Variants in PASK observed in about 807,000 individuals in gnomAD.
PASK encodes the protein PAS domain containing serine/threonine kinase.
In PASK, 110 loss-of-function variants were observed where a neutral mutation model predicts 121.0. The ratio of observed to expected loss-of-function variants is 0.91; its 90% CI spans 0.78 to 1.06. PASK has a LOEUF of 1.06. Ranked by LOEUF, PASK falls within the 50% of genes least tolerant of loss-of-function variation. The probability of loss-of-function intolerance (pLI) is 0.00; values close to 1 mark genes in which losing one functional copy is unlikely to be tolerated. For missense variants in PASK, 1,643 were observed against 1,702.3 expected (o/e 0.97, Z 0.61); for synonymous variants, 686 against 717.8 (o/e 0.96, Z 0.71).
At chr2:241,114,411 G>T in intron 14 of PASK, 1 of 986,504 alleles carries the variant, frequency 1.0e-6, no homozygotes, top group Non-Finnish European at 1.2e-6. Context: ...AGTTCTTCTG[G>T]GGGAGCTGGG....
In PASK at chr2:241,126,402, G is replaced by C. The variant is rs771726835; in HGVS notation, c.2513C>G (p.Ala838Gly). 1 of 1,614,262 alleles carries C rather than the reference G, an allele frequency of 6.2e-7. No homozygotes were observed. Among genetic ancestry groups the C allele is most frequent in the Non-Finnish European group, 8.5e-7 (1 of 1,180,048 alleles). Reference sequence around the variant, plus strand: ...GTGTCCTGGGCTTTCTCTGTCGCTTGCTGCATAATGCTCAGAGGACACCAA... The same window carrying C: ...GTGTCCTGGGCTTTCTCTGTCGCTTCCTGCATAATGCTCAGAGGACACCAA... ...VCLVSSEHYA[A>G]SDRESPGHVP... The change falls in exon 10 of 18, where the codon GCA becomes GGA. Residue 838 changes from alanine (A) to glycine (G), a missense_variant. By Grantham distance (60) the Ala-to-Gly change is moderately conservative. Around this residue, in one of 3 missense-constraint regions of PASK, gnomAD observed 1,176 missense variants for 1,162.2 expected, o/e 1.01. Coordinates refer to ENST00000234040, the MANE Select transcript of PASK (RefSeq NM_015148.4).
rs1429128201 is a variant in PASK, at chr2:241,108,386, C to A, written c.3534-86G>T. ...CCATGGGAAGCACCATGGCCCTTCC[C>A]GACCAGCACACAGGCCAGGCAGTGG... On this transcript the variant is annotated intron_variant, in intron 15 of 17. Coordinates refer to ENST00000234040, the MANE Select transcript of PASK (RefSeq NM_015148.4). This position sits in a 1 kb window ranked among gnomAD's most constrained non-coding sequence, Gnocchi z 5.2. 7.3e-7 allele frequency: 1 copy of A among 1,366,692 alleles called. No homozygotes were observed. The highest frequency in any genetic ancestry group is 1.2e-5 in the South Asian group (1 of 85,468). The allele number at this position is 1,366,692 out of a possible 1,614,324, so 84.7% of individuals were successfully genotyped here. A position where few individuals can be genotyped will look rare whatever the true frequency, so the allele number is the denominator to read the frequency against.
intron 15 of PASK, among the ~76,000 whole-genome samples, chr2:241,110,502 T>C (rs3815294): frequency 0.23 from 35,693 of 151,964 alleles, 6,528 homozygotes; most frequent in African/African-American, 0.5. Context: ...CCAGGAGCAG[T>C]ACACCGCTCA....
In PASK at chr2:241,135,879, C is replaced by T; in HGVS notation, c.1298G>A (p.Gly433Glu). 1.2e-6 allele frequency: 2 copies of T among 1,614,056 alleles called. No individual in the cohort carries two copies. The highest frequency in any genetic ancestry group is 1.7e-4 in the Middle Eastern group (1 of 6,060). ...DPWQGQDPAE[G>E]GQDPRINVVL... ...GGAAGAGGACGTCTTACCCTGGCCC[C>T]CCTCAGCTGGGTCCTGGCCCTGCCA... Residue 433 changes from glycine (G) to glutamate (E), a missense_variant, in exon 8 of 18, where the codon GGG (glycine) becomes GAG (glutamate). Coordinates refer to ENST00000234040, the MANE Select transcript of PASK (RefSeq NM_015148.4).
chr2:241,125,328 C>G (rs1000107832), intron 10 of PASK, among the ~76,000 whole-genome samples: 1 of 146,578 alleles, frequency 6.8e-6, no homozygotes, highest in Admixed American at 6.8e-5. Flanking sequence ...AGGCCGGGCA[C>G]GGTGGCTCAC....
At chr2:241,123,804 G>A (rs1327864139) in intron 11 of PASK, 145 bp downstream of exon 11, 3 of 697,448 alleles carry the variant, frequency 4.3e-6, no homozygotes, top group Admixed American at 2.5e-5. Flanking sequence ...GGGAACAAGA[G>A]CAAGACTCCG....
At position 241,125,610 on chromosome 2, in the gene PASK, A is replaced by G. The variant is rs112201721; in HGVS notation, c.2719+586T>C. 1.3e-3 allele frequency among the ~76,000 whole-genome samples: 49 copies of G among 38,164 alleles called. No homozygotes were observed. In the African/African-American group the frequency reaches 0.03, roughly 23 times the overall value. The allele number at this position is 38,164 out of a possible 152,430, so 25.0% of individuals were successfully genotyped here. Reference sequence around the variant, plus strand: ...GAGAGACTCTGTCTCAAAAAAAAAGAAAAAAAAAAAAAAAAGAAATGAAAA... The same window carrying G: ...GAGAGACTCTGTCTCAAAAAAAAAGGAAAAAAAAAAAAAAAGAAATGAAAA... On this transcript the variant is annotated intron_variant, in intron 10 of 17. Coordinates refer to ENST00000234040, the MANE Select transcript of PASK (RefSeq NM_015148.4).
intron 12 of PASK, among the ~76,000 whole-genome samples, chr2:241,115,624 GTCCTCAAGCATC>G (rs2065303635): frequency 2.1e-5 from 3 of 141,232 alleles, no homozygotes; most frequent in Non-Finnish European, 3.1e-5. Flanking sequence ...GGGACACCCA[GTCCTCAAGCATC>G]CCATTACACC....
chr2:241,127,548 T>A, intron 9 of PASK, 97 bp from the exon 10 acceptor site: 1 of 1,003,558 alleles, frequency 1.0e-6, no homozygotes, highest in Non-Finnish European at 1.6e-6. Context: ...TACAAAGCAT[T>A]TAATGCCACC....
upstream of PASK, chr2:241,149,487 G>T: frequency 1.5e-6 from 1 of 650,336 alleles, no homozygotes; most frequent in Admixed American, 3.0e-5. Flanking sequence ...TTATCCCACC[G>T]ACCAATCGCA....
intron 14 of PASK, chr2:241,113,781 C>G: frequency 5.1e-6 from 5 of 985,476 alleles, no homozygotes; most frequent in Non-Finnish European, 6.0e-6. Context: ...CGGCCTGAAC[C>G]AAGCCAGGGC....
At position 241,126,433 on chromosome 2, in the gene PASK, C is replaced by T; in HGVS notation, c.2482G>A (p.Val828Ile). 6.2e-7 allele frequency: 1 copy of T among 1,614,266 alleles called. No individual in the cohort carries two copies. Among genetic ancestry groups the T allele is most frequent in the Non-Finnish European group, 8.5e-7 (1 of 1,180,040 alleles). Residue 828 changes from valine (V) to isoleucine (I), a missense_variant, in exon 10 of 18, where the codon GTT (valine) becomes ATT (isoleucine). By Grantham distance (29) the Val-to-Ile change is conservative (BLOSUM62 3). Around this residue, in one of 3 missense-constraint regions of PASK, gnomAD observed 1,176 missense variants for 1,162.2 expected, o/e 1.01. Transcript: ENST00000234040. Reference protein sequence around the residue: ...VGHDPTEPLEVCLVSSEHYAA... With the variant: ...VGHDPTEPLEICLVSSEHYAA... ...TAATGCTCAGAGGACACCAAACAAA[C>T]CTCAAGCGGTTCTGTTGGATCATGT...
intron 15 of PASK, chr2:241,109,219 A>G (rs2065007377): frequency 6.6e-6 from 1 of 152,596 alleles, no homozygotes; most frequent in African/African-American, 2.4e-5. Flanking sequence ...AGCATTTTAC[A>G]TGGCTTAACC....
At chr2:241,109,362 A>C (rs1256287677) in intron 15 of PASK, 1 of 152,614 alleles carries the variant, frequency 6.6e-6, no homozygotes, top group African/African-American at 2.4e-5. Flanking sequence ...CTGCCCCTGC[A>C]CTGGCCAAGG....
intron 1 of PASK, among the ~76,000 whole-genome samples, chr2:241,146,605 T>C (rs2066967107): frequency 6.6e-6 from 1 of 152,200 alleles, no homozygotes; most frequent in South Asian, 2.1e-4. Flanking sequence ...ATCTTAGCCA[T>C]ATACGAGTGG....
chr2:241,128,469 T>G (rs1164241461), intron 9 of PASK, among the ~76,000 whole-genome samples: 2 of 152,216 alleles, frequency 1.3e-5, no homozygotes, highest in African/African-American at 4.8e-5. Flanking sequence ...GCCCAGCCAC[T>G]GGCCTCCACA....
chr2:241,150,130 G>C (rs1001016014), upstream of PASK: 3 of 1,266,280 alleles, frequency 2.4e-6, no homozygotes, highest in African/African-American at 3.1e-5. Flanking sequence ...CGCCTCCGAG[G>C]TCGAGACAGT....
Position 241,108,580 on chromosome 2 carries a change from G to C in PASK, c.3534-280C>G. 2.0e-6 allele frequency: 1 copy of C among 504,638 alleles called. No individual in the cohort carries two copies. Among genetic ancestry groups the C allele is most frequent in the Non-Finnish European group, 3.6e-6 (1 of 275,504 alleles). 31.3% of individuals were successfully genotyped at this position (504,638 alleles called of 1,614,324 possible). ...CACCAACCACAAGACGTGTCTACCA[G>C]AGGGGGGAGCGGGGGGAGGGCTTCC... On this transcript the variant is annotated intron_variant, in intron 15 of 17. Transcript: ENST00000234040. This position sits in a 1 kb window ranked among gnomAD's most constrained non-coding sequence, Gnocchi z 5.2.
intron 2 of PASK, among the ~76,000 whole-genome samples, chr2:241,142,281 A>C (rs1450015688): frequency 4.6e-5 from 7 of 152,182 alleles, no homozygotes; most frequent in Admixed American, 4.6e-4. Flanking sequence ...AACTTCAAGC[A>C]CACAGCCTGC....
Sources: gnomAD v4.1 joint callset for allele counts (sites outside exome capture counted in the v4.1 genomes callset) on GRCh38, gnomAD v4.1.1 for gene constraint, gnomAD v4.1.1 regional missense constraint, Gnocchi (gnomAD v3.1) non-coding constraint, MANE v1.5 for transcripts, NCBI Gene and HGNC (gene_info 2026-07-23, HGNC 2026-07-21) for gene names.